Variants in NEURL1 observed in about 807,000 individuals in gnomAD.
The protein encoded by NEURL1 is E3 ubiquitin-protein ligase NEURL1.
Under a neutral mutation model 41.2 loss-of-function variants are expected in NEURL1, and 26 were observed. The observed-to-expected ratio is 0.63, with a 90% CI of 0.46 to 0.87. The LOEUF (loss-of-function observed/expected upper bound fraction) is 0.87, where lower values mean the gene tolerates loss of function less well. NEURL1 is among the 40% of genes least tolerant of loss of function. NEURL1 has a pLI of 0.00. For synonymous variants in NEURL1, 400 were observed against 402.3 expected, an observed-to-expected ratio of 0.99 and a Z score of 0.07; for missense variants, 761 against 871.1, an observed-to-expected ratio of 0.87 and a Z score of 1.59.
intron 1 of NEURL1, among the ~76,000 whole-genome samples, chr10:103,506,931 G>A (rs999978315): frequency 2.6e-5 from 4 of 152,126 alleles, no homozygotes; most frequent in African/African-American, 7.2e-5. Flanking sequence ...CATTCTTCCC[G>A]AAGGGAGAAG....
intron 1 of NEURL1, among the ~76,000 whole-genome samples, chr10:103,497,794 C>T (rs1260507277): frequency 6.6e-6 from 1 of 151,086 alleles, no homozygotes; most frequent in African/African-American, 2.4e-5. Flanking sequence ...CCTGGGCTTT[C>T]CCAGGCTGGA....
chr10:103,590,146 A>T lies in NEURL1; in HGVS notation c.1499A>T (p.Asn500Ile). The part of the protein sequence containing the change: ...LGSSAGGTAP[N>I]SPVSLPESPV... ...CCCTTGTCCTCAGGGACAGCCCCCAATTCGCCAGTGAGCCTGCCCGAGTCG... is the reference window on the plus strand; with the variant it reads ...CCCTTGTCCTCAGGGACAGCCCCCATTTCGCCAGTGAGCCTGCCCGAGTCG... The change falls in exon 6 of 6, where the codon AAT (asparagine) becomes ATT (isoleucine). Residue 500 changes from asparagine to isoleucine, a missense_variant. This residue lies in a region of NEURL1 where 443 missense variants were observed against 408.1 expected (regional missense o/e 1.09). Coordinates refer to ENST00000369780, the MANE Select transcript of NEURL1 (RefSeq NM_004210.5). The T allele has an allele frequency of 1.2e-6, 2 of 1,613,858 alleles. No homozygotes were observed. The highest frequency in any genetic ancestry group is 1.7e-6 in the Non-Finnish European group (2 of 1,180,012).
intron 1 of NEURL1, among the ~76,000 whole-genome samples, chr10:103,559,977 T>C (rs1435380654): frequency 6.6e-6 from 1 of 150,966 alleles, no homozygotes; most frequent in Non-Finnish European, 1.5e-5. Flanking sequence ...TATACACATA[T>C]GCACATGCAC....
rs1284986779 is a variant in NEURL1 at position 103,584,859 on chromosome 10, C to G, written c.973C>G (p.Leu325Val). Reference sequence around the variant, plus strand: ...GGAGCACGGGCGCGACGAGCGCGCGCTCGTCTTCACCAGCCGGCCCGTGCG... The same window carrying G: ...GGAGCACGGGCGCGACGAGCGCGCGGTCGTCTTCACCAGCCGGCCCGTGCG... ...RVEHGRDERA[L>V]VFTSRPVRVA... The change falls in exon 4 of 6, where the codon CTC becomes GTC. Residue 325 changes from leucine to valine, a missense_variant. Transcript: ENST00000369780. 1.4e-6 allele frequency: 2 copies of G among 1,410,486 alleles called. No individual in the cohort carries two copies. The highest frequency in any genetic ancestry group is 6.1e-5 in the East Asian group (2 of 32,970). 87.4% of individuals were successfully genotyped at this position (1,410,486 alleles called of 1,614,324 possible). A position where few individuals can be genotyped will look rare whatever the true frequency, so the allele number is the denominator to read the frequency against.
At chr10:103,572,959 G>T (rs1326416467) in intron 3 of NEURL1, among the ~76,000 whole-genome samples, 1 of 151,964 alleles carries the variant, frequency 6.6e-6, no homozygotes. Flanking sequence ...GCCTCTCCCT[G>T]CAGAGAAAGA....
At chr10:103,538,929 G>A (rs1035535684) in intron 1 of NEURL1, among the ~76,000 whole-genome samples, 1 of 145,790 alleles carries the variant, frequency 6.9e-6, no homozygotes, top group Non-Finnish European at 1.5e-5. Flanking sequence ...TTACAGGCAT[G>A]AGCCACCGCA....
intron 1 of NEURL1, among the ~76,000 whole-genome samples, chr10:103,544,498 A>G (rs935751095): frequency 5.3e-5 from 8 of 152,204 alleles, no homozygotes; most frequent in Non-Finnish European, 1.0e-4. Flanking sequence ...CTCCTGGTTC[A>G]GAGATAAAGT....
At chr10:103,568,793 T>C (rs1165404919) in intron 1 of NEURL1, among the ~76,000 whole-genome samples, 1 of 150,248 alleles carries the variant, frequency 6.7e-6, no homozygotes, top group African/African-American at 2.5e-5. Flanking sequence ...CTGTTTTTGT[T>C]TTTTTGTCTT....
intron 3 of NEURL1, among the ~76,000 whole-genome samples, chr10:103,581,522 TAGCCCTGTCATAC>T (rs1363865951): frequency 3.9e-5 from 6 of 152,214 alleles, no homozygotes; most frequent in African/African-American, 1.2e-4. Flanking sequence ...TCCAGTCATA[TAGCCCTGTCATAC>T]AGGAAATGGC....
chr10:103,584,309 T>C (rs1251014242), intron 3 of NEURL1, among the ~76,000 whole-genome samples: 1 of 152,208 alleles, frequency 6.6e-6, no homozygotes. Context: ...TTTGGAAGCA[T>C]CCACATGGTT....
chr10:103,538,472 GAGGCAGGAGAATCA>G (rs2034744888), intron 1 of NEURL1, among the ~76,000 whole-genome samples: 2 of 151,204 alleles, frequency 1.3e-5, no homozygotes, highest in African/African-American at 4.8e-5. Flanking sequence ...TCAGGAGGCT[GAGGCAGGAGAATCA>G]CTTGAGCCCG....
chr10:103,588,500 G>A (rs973493299), intron 4 of NEURL1, among the ~76,000 whole-genome samples: 2 of 152,082 alleles, frequency 1.3e-5, no homozygotes, highest in Admixed American at 1.3e-4. Flanking sequence ...GAGGACAGCT[G>A]TCAGAGGCTC....
At chr10:103,513,818 CT>C (rs1489649532) in intron 1 of NEURL1, among the ~76,000 whole-genome samples, 1 of 152,008 alleles carries the variant, frequency 6.6e-6, no homozygotes, top group Non-Finnish European at 1.5e-5. Context: ...TGGTCTGCAG[CT>C]TGGGAATCCC....
rs138907072 is a variant in NEURL1, at chr10:103,523,929, T to C, written c.85+29457T>C. ...ATGGGCGTGCAGCTCTTTGACATAA[T>C]GATTTCCTTTCCTTTGGATATATAC... is the stretch of plus-strand genomic sequence containing the variant. On this transcript the variant is annotated intron_variant, in intron 1 of 5. Transcript: ENST00000369780. 9.4e-3 allele frequency among the ~76,000 whole-genome samples: 1,431 copies of C among 152,300 alleles called. 20 individuals are homozygous for C. Among genetic ancestry groups the C allele is most frequent in the African/African-American group, 0.032 (1,334 of 41,558 alleles).
chr10:103,564,223 A>C (rs1369269441), intron 1 of NEURL1, among the ~76,000 whole-genome samples: 1 of 152,244 alleles, frequency 6.6e-6, no homozygotes, highest in Non-Finnish European at 1.5e-5. Context: ...CTGGCAGCTC[A>C]TAAATGCCCA....
rs34864911 is a variant in NEURL1 at position 103,522,453 on chromosome 10, CA to C, written c.85+27993del. 6.1e-3 allele frequency among the ~76,000 whole-genome samples: 885 copies of C among 145,382 alleles called. 3 individuals are homozygous for C. Among genetic ancestry groups the C allele is most frequent in the African/African-American group, 0.018 (721 of 39,500 alleles). ...AGAAACCCCATCTCTACTAATAATA[CA>C]AAAAAAAAAAATTAGCCGGGTGTGG... On this transcript the variant is annotated intron_variant, in intron 1 of 5. Coordinates refer to ENST00000369780, the MANE Select transcript of NEURL1 (RefSeq NM_004210.5).
At chr10:103,581,882 T>C (rs1299614364) in intron 3 of NEURL1, among the ~76,000 whole-genome samples, 1 of 152,118 alleles carries the variant, frequency 6.6e-6, no homozygotes, top group Non-Finnish European at 1.5e-5. Context: ...GAGGTAGATT[T>C]TGGTTTAAAA....
At chr10:103,495,373 T>C (rs992223997) in intron 1 of NEURL1, among the ~76,000 whole-genome samples, 1 of 152,192 alleles carries the variant, frequency 6.6e-6, no homozygotes, top group African/African-American at 2.4e-5. Context: ...TCAGAAAGAA[T>C]ACCCCACTTC....
At chr10:103,516,505 A>C (rs1458919520) in intron 1 of NEURL1, among the ~76,000 whole-genome samples, 2 of 151,938 alleles carry the variant, frequency 1.3e-5, no homozygotes, top group Non-Finnish European at 2.9e-5. Flanking sequence ...TGTGAGCTTG[A>C]ATCTCAGAAG....
Sources: allele counts gnomAD v4.1 joint callset (sites outside exome capture counted in the v4.1 genomes callset), GRCh38; gene constraint gnomAD v4.1.1; regional missense constraint gnomAD v4.1.1; transcripts MANE v1.5; gene names NCBI Gene and HGNC (gene_info 2026-07-23, HGNC 2026-07-21).